Variants in KIAA0232 observed in about 807,000 individuals in gnomAD.
The protein encoded by KIAA0232 is KIAA0232, also known as uncharacterized protein KIAA0232.
In KIAA0232, 27 loss-of-function variants were observed where a neutral mutation model predicts 122.0. The ratio of observed to expected loss-of-function variants is 0.22; its 90% CI spans 0.16 to 0.31. The LOEUF (loss-of-function observed/expected upper bound fraction) is 0.31, where lower values mean the gene tolerates loss of function less well. Ranked by LOEUF, KIAA0232 falls within the 10% of genes least tolerant of loss-of-function variation. The probability of loss-of-function intolerance (pLI) is 1.00; values close to 1 mark genes in which losing one functional copy is unlikely to be tolerated. For missense variants in KIAA0232, 1,551 were observed against 1,634.2 expected (o/e 0.95, Z 0.88); for synonymous variants, 613 against 587.6 (o/e 1.04, Z -0.63).
intron 9 of KIAA0232, among the ~76,000 whole-genome samples, chr4:6,877,685 T>C (rs578060037): frequency 1.3e-5 from 2 of 152,200 alleles, no homozygotes; most frequent in East Asian, 3.9e-4. Flanking sequence ...GTCTAGTCTT[T>C]TCACATTTTT....
At chr4:6,793,139 A>G (rs1459726625) in intron 1 of KIAA0232, among the ~76,000 whole-genome samples, 1 of 152,186 alleles carries the variant, frequency 6.6e-6, no homozygotes. Flanking sequence ...AGTGACTACC[A>G]TTAACATTAC....
Position 6,863,397 on chromosome 4 carries a change from G to C in KIAA0232, c.3015G>C (p.Gly1005=). Reference sequence around the variant, plus strand: ...AACAGAATGATCAGCCGAAGAGTGGGGAAAATGGGTTAAATAAGGGATTTT... The same window carrying C: ...AACAGAATGATCAGCCGAAGAGTGGCGAAAATGGGTTAAATAAGGGATTTT... The part of the protein sequence containing the change: ...SFEQNDQPKS[G]ENGLNKGFSF... The change falls in exon 7 of 10, where the codon GGG becomes GGC. Residue 1005 remains glycine (G), a synonymous_variant. Coordinates refer to ENST00000307659, the MANE Select transcript of KIAA0232 (RefSeq NM_014743.3). 3 of 1,614,098 alleles carry C rather than the reference G, an allele frequency of 1.9e-6. No individual in the cohort carries two copies. Among genetic ancestry groups the C allele is most frequent in the Non-Finnish European group, 2.5e-6 (3 of 1,180,020 alleles).
rs751628188 is a variant in KIAA0232, at chr4:6,824,492, A to G, written c.39A>G (p.Pro13=). The G allele has an allele frequency of 6.2e-7, 1 of 1,614,224 alleles. No homozygotes were observed. The highest frequency in any genetic ancestry group is 8.5e-7 in the Non-Finnish European group (1 of 1,180,030). Reference sequence around the variant, plus strand: ...GTACAGTTGTTGTGGATGGTTTGCCATCTGAAAGCTCCTCAAGTTCTTATC... The same window carrying G: ...GTACAGTTGTTGTGGATGGTTTGCCGTCTGAAAGCTCCTCAAGTTCTTATC... The part of the protein sequence containing the change: ...PICTVVVDGL[P]SESSSSSYPG... Residue 13 remains proline, a synonymous_variant, in exon 3 of 10, where the codon CCA becomes CCG. Transcript: ENST00000307659.
At chr4:6,828,101 C>T (rs140731145) in intron 3 of KIAA0232, among the ~76,000 whole-genome samples, 7 of 152,310 alleles carry the variant, frequency 4.6e-5, no homozygotes, top group Admixed American at 4.6e-4. Flanking sequence ...ATTATCGTTA[C>T]TGGAATGTAT....
At chr4:6,814,975 T>G (rs1718052264) in intron 2 of KIAA0232, among the ~76,000 whole-genome samples, 1 of 151,924 alleles carries the variant, frequency 6.6e-6, no homozygotes, top group South Asian at 2.1e-4. Context: ...TAATTTTGCA[T>G]AAGAGAAAGA....
chr4:6,794,101 AG>A (rs1311703132), intron 1 of KIAA0232, among the ~76,000 whole-genome samples: 4 of 152,220 alleles, frequency 2.6e-5, no homozygotes, highest in African/African-American at 9.6e-5. Context: ...AAGCAGGAGT[AG>A]TATGTAGGAA....
chr4:6,846,140 GA>G (rs1256573662), intron 4 of KIAA0232, among the ~76,000 whole-genome samples: 1 of 150,936 alleles, frequency 6.6e-6, no homozygotes, highest in African/African-American at 2.4e-5. Flanking sequence ...TCATAACAAC[GA>G]TTTTTAAAAA....
intron 4 of KIAA0232, among the ~76,000 whole-genome samples, chr4:6,842,879 GC>G (rs1213599408): frequency 1.3e-5 from 2 of 152,098 alleles, no homozygotes; most frequent in Non-Finnish European, 2.9e-5. Flanking sequence ...ATGAGCCATC[GC>G]GCCCGGCCCG....
chr4:6,833,503 G>A (rs1199897044), intron 3 of KIAA0232, among the ~76,000 whole-genome samples: 2 of 152,076 alleles, frequency 1.3e-5, no homozygotes, highest in Admixed American at 1.3e-4. Context: ...GGTGGTGTGT[G>A]CCTGTAGTCT....
chr4:6,862,206 A>C lies in KIAA0232; in HGVS notation c.1824A>C (p.Gly608=), dbSNP rs570448167. The part of the protein sequence containing the change: ...SGDADGESFG[G]DSPVRLSPIL... ...ATGCTGATGGGGAGAGTTTTGGAGGAGACTCTCCAGTTAGACTCTCTCCCA... is the reference window on the plus strand; with the variant it reads ...ATGCTGATGGGGAGAGTTTTGGAGGCGACTCTCCAGTTAGACTCTCTCCCA... Residue 608 remains glycine (G), a synonymous_variant, in exon 7 of 10, where the codon GGA becomes GGC. Transcript: ENST00000307659. 11 of 1,613,960 alleles carry C rather than the reference A, an allele frequency of 6.8e-6. No individual in the cohort carries two copies. In the African/African-American group the frequency reaches 8.0e-5, roughly 12 times the overall value.
chr4:6,799,068 C>T (rs1415717896), intron 1 of KIAA0232, among the ~76,000 whole-genome samples: 1 of 152,046 alleles, frequency 6.6e-6, no homozygotes, highest in Non-Finnish European at 1.5e-5. Flanking sequence ...CTGGTTCCTT[C>T]TGGAGATTCT....
intron 2 of KIAA0232, among the ~76,000 whole-genome samples, chr4:6,810,050 G>A (rs1294567861): frequency 6.6e-6 from 1 of 152,056 alleles, no homozygotes; most frequent in Non-Finnish European, 1.5e-5. Context: ...AAATACTAAT[G>A]TCATGTTTTA....
intron 4 of KIAA0232, among the ~76,000 whole-genome samples, chr4:6,848,330 T>C (rs1197495131): frequency 6.6e-6 from 1 of 152,230 alleles, no homozygotes; most frequent in Non-Finnish European, 1.5e-5. Flanking sequence ...TCAAGGTTAA[T>C]TTTGACCATA....
intron 1 of KIAA0232, among the ~76,000 whole-genome samples, chr4:6,788,731 G>A (rs1716747376): frequency 6.6e-6 from 1 of 152,172 alleles, no homozygotes; most frequent in South Asian, 2.1e-4. Context: ...AGGAGGAGGA[G>A]GATAGAGTTG....
intron 1 of KIAA0232, among the ~76,000 whole-genome samples, chr4:6,786,959 G>T (rs1048844317): frequency 3.3e-5 from 5 of 151,996 alleles, no homozygotes; most frequent in Non-Finnish European, 1.5e-5. Flanking sequence ...GAGGCGGGCG[G>T]ATCATGAGGT....
chr4:6,820,804 C>G (rs565134986), intron 2 of KIAA0232, among the ~76,000 whole-genome samples: 1 of 152,272 alleles, frequency 6.6e-6, no homozygotes, highest in South Asian at 2.1e-4. Context: ...GTTGCTATAA[C>G]AGAATGACAC....
intron 3 of KIAA0232, among the ~76,000 whole-genome samples, chr4:6,829,860 C>T (rs1718876213): frequency 6.6e-6 from 1 of 152,210 alleles, no homozygotes; most frequent in Non-Finnish European, 1.5e-5. Context: ...TCCCCATGAT[C>T]TGTCACAGGT....
Position 6,862,954 on chromosome 4 carries a change from T to C in KIAA0232, c.2572T>C (p.Tyr858His), listed in dbSNP as rs768684358. Reference sequence around the variant, plus strand: ...GTTGTTTTCGGCAGATGTAAATAACTACTGCTGCTGTCTAGATGCTGAAGC... The same window carrying C: ...GTTGTTTTCGGCAGATGTAAATAACCACTGCTGCTGTCTAGATGCTGAAGC... ...AELFSADVNNYCCCLDAEAEL... is the reference protein window; with the variant it reads ...AELFSADVNNHCCCLDAEAEL... Residue 858 changes from tyrosine to histidine, a missense_variant, in exon 7 of 10, where the codon TAC becomes CAC. By Grantham distance (83) the Tyr-to-His change is moderately conservative (BLOSUM62 2). Transcript: ENST00000307659. 2.5e-6 allele frequency: 4 copies of C among 1,614,228 alleles called. No homozygotes were observed. Among genetic ancestry groups the C allele is most frequent in the Non-Finnish European group, 3.4e-6 (4 of 1,180,036 alleles).
At chr4:6,874,476 ACT>A (rs1560212190) in intron 8 of KIAA0232, among the ~76,000 whole-genome samples, 1 of 151,970 alleles carries the variant, frequency 6.6e-6, no homozygotes, top group Non-Finnish European at 1.5e-5. Flanking sequence ...GGCCTTGTAG[ACT>A]CTGTGCACCA....
Sources: gnomAD v4.1 joint callset for allele counts (sites outside exome capture counted in the v4.1 genomes callset) on GRCh38, gnomAD v4.1.1 for gene constraint, MANE v1.5 for transcripts, NCBI Gene and HGNC (gene_info 2026-07-23, HGNC 2026-07-21) for gene names.